The following GKAP1 variants were observed in gnomAD, a reference collection of about 807,000 sequenced individuals.
GKAP1 encodes G kinase anchoring protein 1, also known as G kinase-anchoring protein 1.
In GKAP1, 31 loss-of-function variants were observed where a neutral mutation model predicts 56.7. The observed-to-expected ratio is 0.55, with a 90% CI of 0.41 to 0.74. The LOEUF (loss-of-function observed/expected upper bound fraction) is 0.74. GKAP1 is among the 30% of genes least tolerant of loss of function. GKAP1 has a pLI of 0.00. For missense variants in GKAP1, 364 were observed against 402.3 expected (o/e 0.90, Z 0.82); for synonymous variants, 151 against 138.6 (o/e 1.09, Z -0.63).
rs770320545 is a variant in GKAP1, at chr9:83,784,811, T to A, written c.466A>T (p.Thr156Ser). ...KEYEDAENTS[T>S]QSKVMNKKDK... is the part of the protein sequence containing the mutation. ...TTTTTATTCATAACTTTGGACTGAG[T>A]TGAAGTATTTTCAGCATCTTCATAC... The change falls in exon 6 of 13, where the codon ACT (threonine) becomes TCT (serine). Residue 156 changes from threonine (T) to serine (S), a missense_variant. Physicochemically the swap from Thr to Ser is moderately conservative, Grantham distance 58. Transcript: ENST00000376371. The A allele has an allele frequency of 6.3e-7, 1 of 1,591,212 alleles. No homozygotes were observed. The highest frequency in any genetic ancestry group is 1.1e-5 in the South Asian group (1 of 87,686).
intron 11 of GKAP1, 133 bp from the exon 12 acceptor site, chr9:83,742,162 C>T: frequency 1.5e-6 from 1 of 665,626 alleles, no homozygotes; most frequent in South Asian, 1.7e-5. Flanking sequence ...CCATAATTTC[C>T]ATTTGGTATT....
Position 83,739,756 on chromosome 9 carries a change from A to G in GKAP1, c.1054-12T>C. The G allele has an allele frequency of 6.2e-7, 1 of 1,605,854 alleles. No individual in the cohort carries two copies. The highest frequency in any genetic ancestry group is 8.5e-7 in the Non-Finnish European group (1 of 1,176,414). Reference sequence around the variant, plus strand: ...CCTTTTCTGCCACCCTGTAAAAAAAAAAAAAAATAGGGAAAATTATTTACA... The same window carrying G: ...CCTTTTCTGCCACCCTGTAAAAAAAGAAAAAAATAGGGAAAATTATTTACA... On this transcript the variant is annotated splice_polypyrimidine_tract_variant and intron_variant, in intron 12 of 12. Transcript: ENST00000376371.
chr9:83,760,564 AC>A (rs1205411962), intron 8 of GKAP1, among the ~76,000 whole-genome samples: 4 of 152,168 alleles, frequency 2.6e-5, no homozygotes, highest in Non-Finnish European at 5.9e-5. Context: ...TGCAGAATAC[AC>A]ATTCTTTTCT....
intron 10 of GKAP1, among the ~76,000 whole-genome samples, chr9:83,744,582 G>A (rs1241452856): frequency 6.6e-6 from 1 of 152,090 alleles, no homozygotes; most frequent in Non-Finnish European, 1.5e-5. Context: ...GTAAAACTGC[G>A]TTACTGTTTT....
intron 7 of GKAP1, among the ~76,000 whole-genome samples, chr9:83,779,248 A>T (rs927980672): frequency 2.0e-5 from 3 of 151,932 alleles, no homozygotes; most frequent in East Asian, 1.9e-4. Context: ...AATAACTTTT[A>T]AAAAAATTGA....
intron 2 of GKAP1, among the ~76,000 whole-genome samples, chr9:83,816,066 G>C (rs1944586093): frequency 6.7e-6 from 1 of 149,160 alleles, no homozygotes; most frequent in African/African-American, 2.5e-5. Flanking sequence ...CCAGGCGCCT[G>C]TAATCCCAGC....
intron 8 of GKAP1, among the ~76,000 whole-genome samples, chr9:83,763,237 A>T (rs1233360858): frequency 6.6e-6 from 1 of 152,176 alleles, no homozygotes; most frequent in Non-Finnish European, 1.5e-5. Context: ...AATTCAAAAC[A>T]ACTGAACTAA....
At chr9:83,797,061 T>TG (rs936598692) in intron 4 of GKAP1, among the ~76,000 whole-genome samples, 1 of 152,218 alleles carries the variant, frequency 6.6e-6, no homozygotes, top group Non-Finnish European at 1.5e-5. Flanking sequence ...TCAACTGAGA[T>TG]CCAGTGTTTG....
chr9:83,768,885 T>C lies in GKAP1; in HGVS notation c.671A>G (p.Glu224Gly). 6.2e-7 allele frequency: 1 copy of C among 1,612,270 alleles called. No homozygotes were observed. Among genetic ancestry groups the C allele is most frequent in the Admixed American group, 1.7e-5 (1 of 60,004 alleles). The stretch of plus-strand genomic sequence containing the variant: ...TTCTGTAAGCTGTTCTCTTCGTTTT[T>C]CTCTAATAAGAATTTTATGAACATC... ...EDDVHKILIR[E>G]KRREQLTEYN... The change falls in exon 8 of 13, where the codon GAA (glutamate) becomes GGA (glycine). Residue 224 changes from glutamate to glycine, a missense_variant. By Grantham distance (98) the Glu-to-Gly change is moderately conservative (BLOSUM62 -2). Coordinates refer to ENST00000376371, the MANE Select transcript of GKAP1 (RefSeq NM_025211.4).
At chr9:83,806,919 A>G (rs1227993335) in intron 2 of GKAP1, among the ~76,000 whole-genome samples, 4 of 152,174 alleles carry the variant, frequency 2.6e-5, no homozygotes. Flanking sequence ...TTCATGATAC[A>G]CAAAAAAAAG....
chr9:83,789,876 T>C (rs910994213), intron 4 of GKAP1, among the ~76,000 whole-genome samples: 6 of 152,110 alleles, frequency 3.9e-5, no homozygotes, highest in African/African-American at 1.5e-4. Flanking sequence ...CAAGACCTAA[T>C]TATTTAGTTT....
intron 7 of GKAP1, 131 bp downstream of exon 7, chr9:83,780,251 G>T: frequency 3.6e-6 from 2 of 555,430 alleles, no homozygotes; most frequent in Non-Finnish European, 6.6e-6. Context: ...AACATGACTG[G>T]GTTCACTCAA....
At chr9:83,800,129 TGG>T (rs902706734) in intron 3 of GKAP1, among the ~76,000 whole-genome samples, 7 of 152,000 alleles carry the variant, frequency 4.6e-5, no homozygotes, top group Admixed American at 3.9e-4. Context: ...TAAAACAGTA[TGG>T]GCCAAGCCAC....
intron 11 of GKAP1, 144 bp downstream of exon 11, chr9:83,742,386 T>C: frequency 1.7e-6 from 1 of 600,302 alleles, no homozygotes; most frequent in South Asian, 2.4e-5. Flanking sequence ...AAACAGAATC[T>C]TCATTCATGG....
chr9:83,803,301 G>A (rs936092844), intron 3 of GKAP1, among the ~76,000 whole-genome samples: 10 of 148,938 alleles, frequency 6.7e-5, no homozygotes, highest in African/African-American at 2.2e-4. Flanking sequence ...CTCTGATGCC[G>A]AGCCGAAGCT....
intron 3 of GKAP1, among the ~76,000 whole-genome samples, chr9:83,803,909 C>T (rs1322739305): frequency 2.0e-5 from 3 of 150,988 alleles, no homozygotes; most frequent in Admixed American, 6.6e-5. Flanking sequence ...CCCGCCGCCC[C>T]GTCTGGGATG....
At chr9:83,792,704 C>T (rs959481652) in intron 4 of GKAP1, among the ~76,000 whole-genome samples, 1 of 152,074 alleles carries the variant, frequency 6.6e-6, no homozygotes. Context: ...CTATAGCTGA[C>T]AATCTACTTA....
intron 6 of GKAP1, among the ~76,000 whole-genome samples, chr9:83,784,004 C>A (rs1259229169): frequency 1.3e-5 from 2 of 149,814 alleles, no homozygotes; most frequent in Non-Finnish European, 3.0e-5. Flanking sequence ...GTGGCTCACG[C>A]CTGTAATCCC....
At chr9:83,776,217 G>A (rs998822311) in intron 7 of GKAP1, among the ~76,000 whole-genome samples, 1 of 152,096 alleles carries the variant, frequency 6.6e-6, no homozygotes, top group African/African-American at 2.4e-5. Flanking sequence ...TAACCAAAGA[G>A]AGCTAACAAA....
Sources: gnomAD v4.1 joint callset for allele counts (sites outside exome capture counted in the v4.1 genomes callset) on GRCh38, gnomAD v4.1.1 for gene constraint, MANE v1.5 for transcripts, NCBI Gene and HGNC (gene_info 2026-07-23, HGNC 2026-07-21) for gene names.